Variants in PCED1B observed in about 807,000 individuals in gnomAD.
PCED1B encodes PC-esterase domain containing 1B.
For synonymous variants in PCED1B, 251 were observed against 246.1 expected, an observed-to-expected ratio of 1.02 and a Z score of -0.19; for missense variants, 573 against 573.9, an observed-to-expected ratio of 1.00 and a Z score of 0.02.
At chr12:47,220,000 G>T (rs932371845) in intron 3 of PCED1B, among the ~76,000 whole-genome samples, 3 of 150,266 alleles carry the variant, frequency 2.0e-5, no homozygotes, top group African/African-American at 7.4e-5. Context: ...TTGAGCCTGG[G>T]AGGTTGAAGC....
intron 2 of PCED1B, among the ~76,000 whole-genome samples, chr12:47,171,906 CTCTTCTTCT>C (rs537012282): frequency 1.4e-5 from 2 of 141,122 alleles, no homozygotes; most frequent in Admixed American, 7.1e-5. Context: ...CCTCTTCTTC[CTCTTCTTCT>C]TCTTCCTCTT....
At chr12:47,125,546 G>T (rs1434553969) in intron 2 of PCED1B, among the ~76,000 whole-genome samples, 1 of 151,978 alleles carries the variant, frequency 6.6e-6, no homozygotes, top group Non-Finnish European at 1.5e-5. Context: ...TTGACAAGAG[G>T]TCTGCTGGGT....
chr12:47,113,651 G>A (rs1939294347), intron 2 of PCED1B, among the ~76,000 whole-genome samples: 1 of 152,238 alleles, frequency 6.6e-6, no homozygotes, highest in Non-Finnish European at 1.5e-5. Context: ...GGACCTGTAT[G>A]CAGAGAACCA....
chr12:47,144,628 T>C (rs538794071), intron 2 of PCED1B, among the ~76,000 whole-genome samples: 1 of 152,354 alleles, frequency 6.6e-6, no homozygotes, highest in East Asian at 1.9e-4. Context: ...CTACATGGTA[T>C]GGCCTACTAC....
chr12:47,085,479 C>T (rs1937934971), intron 1 of PCED1B, among the ~76,000 whole-genome samples: 1 of 152,178 alleles, frequency 6.6e-6, no homozygotes, highest in African/African-American at 2.4e-5. Context: ...ATGGGTATCA[C>T]ATGTTCATTG....
intron 1 of PCED1B, among the ~76,000 whole-genome samples, chr12:47,100,023 A>G (rs1013488717): frequency 6.6e-6 from 1 of 152,240 alleles, no homozygotes; most frequent in Non-Finnish European, 1.5e-5. Flanking sequence ...ATACTTGGAA[A>G]AAGGACCATT....
In PCED1B at chr12:47,235,826, G is replaced by A; in HGVS notation, c.763G>A (p.Glu255Lys). 2 of 1,575,526 alleles carry A rather than the reference G, an allele frequency of 1.3e-6. No homozygotes were observed. Residue 255 changes from glutamate to lysine, a missense_variant, in exon 4 of 4, where the codon GAG (glutamate) becomes AAG (lysine). By Grantham distance (56) the Glu-to-Lys change is moderately conservative. Transcript: ENST00000546455. ...CCACGTGGCCGACGCCTGGGGTGTG[G>A]AGCTGCCCCACCGCCACCCCGTGGG... ...LAHVADAWGV[E>K]LPHRHPVGEW...
At chr12:47,104,902 C>T (rs1317424279) in intron 2 of PCED1B, among the ~76,000 whole-genome samples, 1 of 152,178 alleles carries the variant, frequency 6.6e-6, no homozygotes, top group African/African-American at 2.4e-5. Context: ...TCCCAGGAAG[C>T]CGGCTCGCCC....
At chr12:47,172,340 C>CTTTTTTTTTTTTTTTTTTTTTTTGT (rs34230051) in intron 2 of PCED1B, among the ~76,000 whole-genome samples, 1 of 78,338 alleles carries the variant, frequency 1.3e-5, no homozygotes, top group African/African-American at 4.8e-5. Flanking sequence ...TCGTGGGTTG[C>CTTTTTTTTTTTTTTTTTTTTTTTGT]TTTTTTTTTT....
At chr12:47,178,967 G>T (rs903883251) in intron 2 of PCED1B, among the ~76,000 whole-genome samples, 1 of 151,922 alleles carries the variant, frequency 6.6e-6, no homozygotes, top group African/African-American at 2.4e-5. Flanking sequence ...GTATAAAAAT[G>T]CATTACTATT....
intron 2 of PCED1B, among the ~76,000 whole-genome samples, chr12:47,116,804 A>T (rs1180225010): frequency 2.0e-5 from 3 of 152,240 alleles, no homozygotes; most frequent in African/African-American, 7.2e-5. Flanking sequence ...TTCAGAAGAA[A>T]GGAAAAAGCT....
intron 2 of PCED1B, among the ~76,000 whole-genome samples, chr12:47,171,259 G>A (rs1941725002): frequency 6.6e-6 from 1 of 151,988 alleles, no homozygotes; most frequent in African/African-American, 2.4e-5. Flanking sequence ...TAGAGATGGG[G>A]TTTCTCCATA....
chr12:47,160,293 C>CTT (rs59856338), intron 2 of PCED1B, among the ~76,000 whole-genome samples: 716 of 68,898 alleles, frequency 0.01, 8 homozygotes, highest in African/African-American at 0.014. Context: ...TTTTCTTTTT[C>CTT]TTTTTTTTTT....
At chr12:47,092,834 C>T (rs1235464953) in intron 1 of PCED1B, among the ~76,000 whole-genome samples, 1 of 151,984 alleles carries the variant, frequency 6.6e-6, no homozygotes, top group African/African-American at 2.4e-5. Flanking sequence ...TGGTAAGCCA[C>T]ACTTGTACAC....
chr12:47,233,389 T>C (rs967273769), intron 3 of PCED1B, among the ~76,000 whole-genome samples: 6 of 152,200 alleles, frequency 3.9e-5, no homozygotes, highest in Non-Finnish European at 7.3e-5. Flanking sequence ...CCACCCGCCT[T>C]GGCCTCCCAA....
At chr12:47,217,867 G>A (rs114824527) in intron 3 of PCED1B, among the ~76,000 whole-genome samples, 2,565 of 152,224 alleles carry the variant, frequency 0.017, 58 homozygotes, top group African/African-American at 0.057. Flanking sequence ...ATGAGCTACC[G>A]CGCCCTTCTT....
At chr12:47,127,478 C>T (rs1323590443) in intron 2 of PCED1B, among the ~76,000 whole-genome samples, 1 of 150,802 alleles carries the variant, frequency 6.6e-6, no homozygotes, top group Admixed American at 6.6e-5. Context: ...AAGCGATTCT[C>T]CTGCCTCACC....
chr12:47,134,858 C>A (rs1940287124), intron 2 of PCED1B, among the ~76,000 whole-genome samples: 2 of 152,184 alleles, frequency 1.3e-5, no homozygotes, highest in African/African-American at 4.8e-5. Flanking sequence ...CAGAGTGAGA[C>A]TCTATCTCAA....
intron 2 of PCED1B, among the ~76,000 whole-genome samples, chr12:47,111,982 T>C (rs1408061550): frequency 6.6e-6 from 1 of 151,732 alleles, no homozygotes; most frequent in Admixed American, 6.6e-5. Context: ...TTGGTGGGGG[T>C]CGTGTAGCCC....
Sources: gnomAD v4.1 joint callset for allele counts (sites outside exome capture counted in the v4.1 genomes callset) on GRCh38, gnomAD v4.1.1 for gene constraint, MANE v1.5 for transcripts, NCBI Gene and HGNC (gene_info 2026-07-23, HGNC 2026-07-21) for gene names.